CNMD: variants seen among roughly 807,000 people sequenced by gnomAD.
CNMD encodes the protein chondromodulin, also known as leukocyte cell-derived chemotaxin 1.
CNMD carries 30 observed loss-of-function variants against 37.5 expected under a neutral mutation model. The ratio of observed to expected loss-of-function variants is 0.80; its 90% CI spans 0.60 to 1.09. CNMD has a LOEUF of 1.09. Among genes scored for constraint, CNMD ranks in the 50% least tolerant of loss-of-function variants. The pLI, the probability that CNMD is intolerant of heterozygous loss-of-function variation, is 0.00. For missense variants in CNMD, 398 were observed against 423.9 expected (o/e 0.94, Z 0.54); for synonymous variants, 167 against 148.2 (o/e 1.13, Z -0.92).
At position 52,703,470 on chromosome 13, in the gene CNMD, G is replaced by T; in HGVS notation, c.*125C>A. The T allele has an allele frequency of 1.6e-6, 1 of 638,144 alleles. No homozygotes were observed. Among genetic ancestry groups the T allele is most frequent in the East Asian group, 2.7e-5 (1 of 36,858 alleles). 39.5% of individuals were successfully genotyped at this position (638,144 alleles called of 1,614,324 possible). ...GAAAAAATTCTGTTAAGAGTGTCAAGAATAACCGCTCAGGTTGAGTGTAAA... is the reference window on the plus strand; with the variant it reads ...GAAAAAATTCTGTTAAGAGTGTCAATAATAACCGCTCAGGTTGAGTGTAAA... On this transcript the variant is annotated 3_prime_UTR_variant, in exon 7 of 7. Transcript: ENST00000377962.
chr13:52,733,002 C>T, intron 3 of CNMD: 1 of 567,664 alleles, frequency 1.8e-6, no homozygotes, highest in East Asian at 3.0e-5. Flanking sequence ...TGGTATTTTA[C>T]AACTGAAGTG....
rs372962302 is a variant in CNMD at position 52,739,584 on chromosome 13, C to T, written c.72+46G>A. ...TGAGTCCGAACTGTGGAACCTGATA[C>T]TCACACAACCCAGGCCCTGCGTGTG... On this transcript the variant is annotated intron_variant, in intron 1 of 6. Transcript: ENST00000377962. The surrounding 1 kb of genome is among the most constrained non-coding windows in gnomAD (Gnocchi z 5.4). 1.0e-5 allele frequency: 16 copies of T among 1,545,928 alleles called. No individual in the cohort carries two copies. The African/African-American group carries it at 2.2e-4, about 21-fold the overall frequency.
chr13:52,719,077 T>C (rs1964437569), intron 4 of CNMD, among the ~76,000 whole-genome samples: 1 of 152,232 alleles, frequency 6.6e-6, no homozygotes, highest in African/African-American at 2.4e-5. Flanking sequence ...TTTACCATTA[T>C]GTAATGCCCT....
intron 6 of CNMD, among the ~76,000 whole-genome samples, chr13:52,705,654 AT>A (rs1964162054): frequency 6.6e-6 from 1 of 152,162 alleles, no homozygotes. Context: ...ACCCTAAGAT[AT>A]GTTTTTTAAA....
At chr13:52,712,607 T>C (rs1964307211) in intron 5 of CNMD, 109 bp downstream of exon 5, 1 of 625,634 alleles carries the variant, frequency 1.6e-6, no homozygotes, top group Non-Finnish European at 2.5e-6. Context: ...ACATGCATCC[T>C]GATTTATCCT....
intron 2 of CNMD, 180 bp from the exon 3 acceptor site, chr13:52,733,539 T>G (rs1195237002): frequency 2.8e-6 from 2 of 704,342 alleles, no homozygotes; most frequent in African/African-American, 3.5e-5. Context: ...ATGCAATGAT[T>G]TCCTTAAAAA....
chr13:52,729,759 CA>C (rs1964631810), intron 3 of CNMD, among the ~76,000 whole-genome samples: 1 of 152,074 alleles, frequency 6.6e-6, no homozygotes, highest in Non-Finnish European at 1.5e-5. Flanking sequence ...CAAATATTCA[CA>C]AAATTAAAAG....
At chr13:52,717,770 C>T (rs578070972) in intron 4 of CNMD, among the ~76,000 whole-genome samples, 84 of 152,234 alleles carry the variant, frequency 5.5e-4, no homozygotes, top group Non-Finnish European at 1.0e-3. Context: ...ATTTTTGCAT[C>T]GATGTTCATC....
At chr13:52,736,236 C>T (rs893167279) in intron 2 of CNMD, among the ~76,000 whole-genome samples, 14 of 152,198 alleles carry the variant, frequency 9.2e-5, no homozygotes, top group South Asian at 4.1e-4. Context: ...CCTCGTGAGC[C>T]GCCCGCCTCG....
At position 52,703,716 on chromosome 13, in the gene CNMD, T is replaced by A. The variant is rs757147882; in HGVS notation, c.884A>T (p.Lys295Met). 13 of 1,613,454 alleles carry A rather than the reference T, an allele frequency of 8.1e-6. No individual in the cohort carries two copies. In the Admixed American group the frequency reaches 1.3e-4, roughly 17 times the overall value. The change falls in exon 7 of 7, where the codon AAG becomes ATG. Residue 295 changes from lysine (K) to methionine (M), a missense_variant. Physicochemically the swap from Lys to Met is moderately conservative, Grantham distance 95 (BLOSUM62 -1). Transcript: ENST00000377962. The part of the protein sequence containing the change: ...ECRRSYTHCQ[K>M]ICEPLGGYYP... Reference sequence around the variant, plus strand: ...ATAGCCCCCCAGGGGTTCACAGATCTTCTGGCAGTGGGTGTAGCTCCGCCT... The same window carrying A: ...ATAGCCCCCCAGGGGTTCACAGATCATCTGGCAGTGGGTGTAGCTCCGCCT...
At chr13:52,732,181 T>C (rs1964683516) in intron 3 of CNMD, among the ~76,000 whole-genome samples, 2 of 152,208 alleles carry the variant, frequency 1.3e-5, no homozygotes, top group African/African-American at 4.8e-5. Flanking sequence ...CAGAGGAAGA[T>C]GGGTCGATGA....
At chr13:52,738,370 A>G (rs1228039118) in intron 2 of CNMD, among the ~76,000 whole-genome samples, 3 of 152,224 alleles carry the variant, frequency 2.0e-5, no homozygotes, top group African/African-American at 7.2e-5. Context: ...GCATACAAAG[A>G]AAGTAGGACA....
intron 3 of CNMD, among the ~76,000 whole-genome samples, chr13:52,731,169 C>A (rs1594288975): frequency 6.6e-6 from 1 of 152,316 alleles, no homozygotes; most frequent in South Asian, 2.1e-4. Flanking sequence ...CTGCCCCAGT[C>A]CCCTATTCAG....
At chr13:52,723,116 G>C (rs766201620) in intron 4 of CNMD, among the ~76,000 whole-genome samples, 3 of 151,874 alleles carry the variant, frequency 2.0e-5, no homozygotes, top group Non-Finnish European at 2.9e-5. Flanking sequence ...TTTTGAGATA[G>C]AGTCTCATTC....
intron 2 of CNMD, chr13:52,733,616 T>C (rs1382798011): frequency 3.8e-6 from 2 of 523,136 alleles, no homozygotes; most frequent in Non-Finnish European, 7.2e-6. Flanking sequence ...TTTGCAATGC[T>C]GGCTGTACTT....
chr13:52,736,644 T>C (rs1248241448), intron 2 of CNMD, among the ~76,000 whole-genome samples: 1 of 152,190 alleles, frequency 6.6e-6, no homozygotes, highest in Admixed American at 6.5e-5. Flanking sequence ...GCTATTTTTA[T>C]CCAAACAAGA....
rs753874162 is a variant in CNMD at position 52,703,697 on chromosome 13, C to A, written c.903G>T (p.Gly301=). The A allele has an allele frequency of 1.2e-6, 2 of 1,613,990 alleles. No homozygotes were observed. The highest frequency in any genetic ancestry group is 1.7e-6 in the Non-Finnish European group (2 of 1,179,878). Residue 301 remains glycine (G), a synonymous_variant, in exon 7 of 7, where the codon GGG becomes GGT. Transcript: ENST00000377962. ...THCQKICEPL[G]GYYPWPYNYQ... Reference sequence around the variant, plus strand: ...AATTATAAGGCCATGGGTAATAGCCCCCCAGGGGTTCACAGATCTTCTGGC... The same window carrying A: ...AATTATAAGGCCATGGGTAATAGCCACCCAGGGGTTCACAGATCTTCTGGC...
intron 3 of CNMD, 176 bp downstream of exon 3, chr13:52,733,043 A>C (rs943806649): frequency 3.4e-5 from 22 of 645,980 alleles, no homozygotes; most frequent in Non-Finnish European, 5.7e-5. Flanking sequence ...TATGAAGGAC[A>C]AAGTCTGGTC....
intron 4 of CNMD, among the ~76,000 whole-genome samples, chr13:52,714,521 T>C (rs965551510): frequency 6.6e-5 from 10 of 152,166 alleles, no homozygotes; most frequent in Non-Finnish European, 1.5e-4. Context: ...GATTTAAATA[T>C]AAAAGCATTC....
Sources: allele counts gnomAD v4.1 joint callset (sites outside exome capture counted in the v4.1 genomes callset), GRCh38; gene constraint gnomAD v4.1.1; non-coding constraint Gnocchi (gnomAD v3.1); transcripts MANE v1.5; gene names NCBI Gene and HGNC (gene_info 2026-07-23, HGNC 2026-07-21).